THOC2: variants seen among roughly 807,000 people sequenced by gnomAD.
The protein encoded by THOC2 is THO complex 2.
A neutral mutation model predicts 128.4 loss-of-function variants in THOC2; 10 were observed. That is an observed-to-expected ratio of 0.08 (90% CI 0.05 to 0.13). The LOEUF (loss-of-function observed/expected upper bound fraction) is 0.13. Among genes scored for constraint, THOC2 ranks in the 10% least tolerant of loss-of-function variants. The probability of loss-of-function intolerance (pLI) is 1.00; values close to 1 mark genes in which losing one functional copy is unlikely to be tolerated. For synonymous variants in THOC2, 393 were observed against 396.9 expected, an observed-to-expected ratio of 0.99 and a Z score of 0.12; for missense variants, 535 against 1,155.7, an observed-to-expected ratio of 0.46 and a Z score of 7.79.
chrX:123,683,592 T>C (rs929868587), intron 8 of THOC2, among the ~76,000 whole-genome samples: 2 of 109,015 alleles, frequency 1.8e-5, no homozygotes, highest in Non-Finnish European at 3.8e-5. Context: ...ATTCTCACAA[T>C]GACAAGACTT....
intron 2 of THOC2, among the ~76,000 whole-genome samples, chrX:123,711,384 T>C (rs943979347): frequency 9.1e-6 from 1 of 110,009 alleles, no homozygotes; most frequent in South Asian, 3.9e-4. Flanking sequence ...CTCATGACAG[T>C]AATCCCAACA....
intron 1 of THOC2, among the ~76,000 whole-genome samples, chrX:123,721,012 A>G (rs758793915): frequency 5.4e-5 from 6 of 111,742 alleles, no homozygotes; most frequent in Non-Finnish European, 7.5e-5. Flanking sequence ...ATAGTTGACA[A>G]TATTGTACTG....
At chrX:123,690,014 A>C (rs1243350468) in intron 7 of THOC2, among the ~76,000 whole-genome samples, 1 of 111,217 alleles carries the variant, frequency 9.0e-6, no homozygotes, top group African/African-American at 3.3e-5. Context: ...ATTTTTACAT[A>C]TACATACATA....
intron 12 of THOC2, among the ~76,000 whole-genome samples, chrX:123,661,424 AC>A (rs755765549): frequency 5.3e-4 from 59 of 110,547 alleles, no homozygotes; most frequent in African/African-American, 1.4e-3. Flanking sequence ...ACAAAACAAA[AC>A]AAACAAAAAA....
At chrX:123,617,615 C>G (rs1252989063) in intron 33 of THOC2, among the ~76,000 whole-genome samples, 1 of 111,672 alleles carries the variant, frequency 9.0e-6, no homozygotes, top group Non-Finnish European at 1.9e-5. Flanking sequence ...CAAAAAGACA[C>G]TATCCACCTG....
At chrX:123,640,992 T>A (rs1482943232) in intron 15 of THOC2, among the ~76,000 whole-genome samples, 7 of 111,914 alleles carry the variant, frequency 6.3e-5, no homozygotes, top group African/African-American at 1.9e-4. Context: ...GGGATTAAGA[T>A]ATCAAATTTG....
intron 32 of THOC2, 179 bp from the exon 33 acceptor site, chrX:123,619,615 A>G (rs1195699275): frequency 4.2e-5 from 19 of 447,170 alleles, no homozygotes; most frequent in Non-Finnish European, 6.9e-5. Flanking sequence ...TGGAATTGGA[A>G]TGTTAAAAAC....
At chrX:123,693,617 G>C (rs1002908073) in intron 7 of THOC2, among the ~76,000 whole-genome samples, 1 of 111,344 alleles carries the variant, frequency 9.0e-6, no homozygotes, top group African/African-American at 3.3e-5. Context: ...TACAAGAATA[G>C]AGGAAATATT....
At chrX:123,615,656 T>TACAC (rs988551946) in intron 33 of THOC2, among the ~76,000 whole-genome samples, 1,066 of 91,587 alleles carry the variant, frequency 0.012, 8 homozygotes, top group Middle Eastern at 0.024. Flanking sequence ...AAAAAAAAAA[T>TACAC]ACACACACAC....
At chrX:123,663,850 T>A (rs953599787) in intron 12 of THOC2, among the ~76,000 whole-genome samples, 17 of 111,314 alleles carry the variant, frequency 1.5e-4, no homozygotes, top group African/African-American at 5.2e-4. Flanking sequence ...AATTCCCACC[T>A]ATGAGTGAGA....
chrX:123,663,624 T>G (rs905964970), intron 12 of THOC2, among the ~76,000 whole-genome samples: 3 of 96,487 alleles, frequency 3.1e-5, no homozygotes, highest in African/African-American at 4.2e-5. Flanking sequence ...TACTATTCTG[T>G]TTTTTTTTTT....
intron 12 of THOC2, among the ~76,000 whole-genome samples, chrX:123,661,848 C>A (rs1273213433): frequency 9.0e-6 from 1 of 111,587 alleles, no homozygotes; most frequent in East Asian, 2.8e-4. Flanking sequence ...AAAAAATTAG[C>A]CAGGCATGGC....
In THOC2 at chrX:123,670,255, A is replaced by G. The variant is rs1188394150; in HGVS notation, c.861+1414T>C. ...TCTATTCCATCCTCATTCCCCCTAT[A>G]TACCACCCTAGGCTCCAACCACTCT... On this transcript the variant is annotated intron_variant, in intron 9 of 38. Transcript: ENST00000245838. Among the ~76,000 whole-genome samples the G allele has an allele frequency of 4.5e-5, 5 of 111,987 alleles. No homozygotes were observed. In the Admixed American group the frequency reaches 4.7e-4, roughly 11 times the overall value.
At chrX:123,713,783 A>T (rs1197689622) in intron 1 of THOC2, among the ~76,000 whole-genome samples, 1 of 109,075 alleles carries the variant, frequency 9.2e-6, no homozygotes, top group Non-Finnish European at 1.9e-5. Flanking sequence ...AGCCCAGGAA[A>T]TTGGGGCTGC....
At chrX:123,651,270 G>A (rs1267144225) in intron 12 of THOC2, among the ~76,000 whole-genome samples, 1 of 111,827 alleles carries the variant, frequency 8.9e-6, no homozygotes, top group Middle Eastern at 4.2e-3. Context: ...AAGACAAAAT[G>A]TACCACAATC....
At position 123,636,179 on chromosome X, in the gene THOC2, T is replaced by C. The variant is rs777692231; in HGVS notation, c.1922-4A>G. 2.5e-6 allele frequency: 3 copies of C among 1,178,275 alleles called. No homozygotes were observed. Among genetic ancestry groups the C allele is most frequent in the Admixed American group, 2.3e-5 (1 of 42,965 alleles). On this transcript the variant is annotated splice_polypyrimidine_tract_variant and splice_region_variant and intron_variant, in intron 18 of 38. Coordinates refer to ENST00000245838, the MANE Select transcript of THOC2 (RefSeq NM_001081550.2). ...GCACCACAGAAACTAGCCAGACCTATATAAAATAAAAAAAGAGTAAAAACA... is the reference window on the plus strand; with the variant it reads ...GCACCACAGAAACTAGCCAGACCTACATAAAATAAAAAAAGAGTAAAAACA...
At chrX:123,723,173 C>T in intron 1 of THOC2, among the ~76,000 whole-genome samples, 2 of 110,918 alleles carry the variant, frequency 1.8e-5, no homozygotes. Context: ...CAGAGCAAGA[C>T]TCTGTCTCAA....
At position 123,623,189 on chromosome X, in the gene THOC2, C is replaced by G. The variant is rs1360236054; in HGVS notation, c.3598G>C (p.Val1200Leu). The part of the protein sequence containing the change: ...DPPPRNAVAS[V>L]QNGPGGGPSS... ...GGCCCACCACCAGGCCCATTTTGCACACTGGCAACTGCATTCCTCGGAGGG... is the reference window on the plus strand; with the variant it reads ...GGCCCACCACCAGGCCCATTTTGCAGACTGGCAACTGCATTCCTCGGAGGG... The change falls in exon 29 of 39, where the codon GTG (valine) becomes CTG (leucine). Residue 1200 changes from valine to leucine, a missense_variant. Physicochemically the swap from Val to Leu is conservative, Grantham distance 32. This residue lies in a region of THOC2 where 116 missense variants were observed against 180.0 expected (regional missense o/e 0.64). Coordinates refer to ENST00000245838, the MANE Select transcript of THOC2 (RefSeq NM_001081550.2). The G allele has an allele frequency of 5.8e-6, 7 of 1,211,434 alleles. No homozygotes were observed. In the South Asian group the frequency reaches 1.2e-4, roughly 21 times the overall value.
intron 1 of THOC2, 48 bp from the exon 2 acceptor site, chrX:123,712,956 G>A (rs1486601526): frequency 2.2e-6 from 2 of 920,512 alleles, no homozygotes; most frequent in Non-Finnish European, 3.0e-6. Flanking sequence ...CCTAACATGA[G>A]ATGATTCTTA....
Sources: gnomAD v4.1 joint callset for allele counts (sites outside exome capture counted in the v4.1 genomes callset) on GRCh38, gnomAD v4.1.1 for gene constraint, gnomAD v4.1.1 regional missense constraint, MANE v1.5 for transcripts, NCBI Gene and HGNC (gene_info 2026-07-23, HGNC 2026-07-21) for gene names.